Variants in PPM1F observed in about 807,000 individuals in gnomAD.
PPM1F encodes protein phosphatase, Mg2+/Mn2+ dependent 1F, also known as protein phosphatase 1F.
A neutral mutation model predicts 35.5 loss-of-function variants in PPM1F; 17 were observed. The ratio of observed to expected loss-of-function variants is 0.48; its 90% CI spans 0.33 to 0.72. PPM1F has a LOEUF of 0.72. Among genes scored for constraint, PPM1F ranks in the 30% least tolerant of loss-of-function variants. The pLI is 0.02. For synonymous variants in PPM1F, 241 were observed against 255.5 expected (o/e 0.94, Z 0.54); for missense variants, 521 against 613.0 (o/e 0.85, Z 1.59).
chr22:21,943,964 C>T (rs1308390371), intron 2 of PPM1F: 1 of 152,462 alleles, frequency 6.6e-6, no homozygotes, highest in Non-Finnish European at 1.5e-5. Flanking sequence ...CTTTTTGCCT[C>T]AAGGCAGCAA....
At chr22:21,933,855 A>C (rs1321064395) in intron 4 of PPM1F, among the ~76,000 whole-genome samples, 169 bp downstream of exon 4, 1 of 152,148 alleles carries the variant, frequency 6.6e-6, no homozygotes. Flanking sequence ...CTCCCTCATA[A>C]CAGACTCACA....
chr22:21,936,038 T>C (rs542367821), intron 3 of PPM1F: 1 of 152,090 alleles, frequency 6.6e-6, no homozygotes, highest in East Asian at 1.9e-4. Context: ...CTGTGTGTGG[T>C]GGTATATCTA....
intron 3 of PPM1F, chr22:21,937,109 T>C (rs977177994): frequency 2.0e-5 from 3 of 152,024 alleles, no homozygotes; most frequent in Admixed American, 6.6e-5. Flanking sequence ...GTGGCAAGCA[T>C]GGTGAATCAG....
At chr22:21,930,870 TCTGCACTGGG>T (rs943975490) in intron 6 of PPM1F, among the ~76,000 whole-genome samples, 26 of 152,294 alleles carry the variant, frequency 1.7e-4, no homozygotes, top group East Asian at 7.7e-4. Context: ...TGGGCTCTGG[TCTGCACTGGG>T]CTGCACTGAC....
chr22:21,935,242 C>A (rs1048902295), intron 3 of PPM1F: 2 of 152,218 alleles, frequency 1.3e-5, no homozygotes, highest in African/African-American at 4.8e-5. Context: ...TTAAACCAGT[C>A]CCCTAAAGTT....
rs545639329 is a variant in PPM1F, at chr22:21,928,847, C to T, written c.891+2301G>A. ...ATGCGGCTCCATTCCATTCATCTCT[C>T]TGCCTCATCCTGCCAGGTCCTTGCC... On this transcript the variant is annotated intron_variant, in intron 6 of 7. Transcript: ENST00000263212. Among the ~76,000 whole-genome samples, 62 of 111,078 alleles carry T rather than the reference C, an allele frequency of 5.6e-4. 1 individual carries two copies. In the South Asian group the frequency reaches 7.1e-3, roughly 13 times the overall value. 72.9% of individuals were successfully genotyped at this position (111,078 alleles called of 152,430 possible). A position where few individuals can be genotyped will look rare whatever the true frequency, so the allele number is the denominator to read the frequency against.
rs138349983 is a variant in PPM1F at position 21,929,669 on chromosome 22, T to C, written c.891+1479A>G. 1.4e-3 allele frequency among the ~76,000 whole-genome samples: 211 copies of C among 152,220 alleles called. 2 individuals carry two copies. Among genetic ancestry groups the C allele is most frequent in the African/African-American group, 4.9e-3 (203 of 41,542 alleles). ...AGCCCACTAGGGAGCAGGTGCCAAATTCCCCCACGGTGGTGGAGGCAGGGG... is the reference window on the plus strand; with the variant it reads ...AGCCCACTAGGGAGCAGGTGCCAAACTCCCCCACGGTGGTGGAGGCAGGGG... On this transcript the variant is annotated intron_variant, in intron 6 of 7. Transcript: ENST00000263212.
At chr22:21,945,643 T>G in intron 2 of PPM1F, 200 bp downstream of exon 2, 47 of 553,340 alleles carry the variant, frequency 8.5e-5, no homozygotes, top group East Asian at 3.6e-4. Flanking sequence ...TGTGAAAGAA[T>G]GAGCTTTGGC....
intron 2 of PPM1F, chr22:21,944,282 T>G (rs1191047880): frequency 6.6e-6 from 1 of 152,302 alleles, no homozygotes; most frequent in Non-Finnish European, 1.5e-5. Flanking sequence ...TGGGGGATGC[T>G]GGGTGGCATA....
chr22:21,944,774 G>A (rs1442671303), intron 2 of PPM1F: 3 of 152,248 alleles, frequency 2.0e-5, no homozygotes, highest in Admixed American at 2.0e-4. Context: ...ATGAATAAAT[G>A]AAGGGGAGGG....
At chr22:21,931,032 T>A in intron 6 of PPM1F, 116 bp downstream of exon 6, 1 of 1,495,058 alleles carries the variant, frequency 6.7e-7, no homozygotes, top group Non-Finnish European at 8.9e-7. Context: ...CCCTCCCTCT[T>A]GAAAGGTGCC....
intron 7 of PPM1F, chr22:21,925,199 C>CAGT (rs1229735377): frequency 2.6e-6 from 1 of 377,920 alleles, no homozygotes; most frequent in Non-Finnish European, 4.7e-6. Flanking sequence ...CCAGCGAACC[C>CAGT]ACTTTTTTCC....
In PPM1F at chr22:21,922,740, C is replaced by A. The variant is rs1018444927; in HGVS notation, c.*352G>T. ...CTCCTGGGTCCGCCCCAGGGTCCCACGTGCACAACCATGCTGCCCCATGCA... is the reference window on the plus strand; with the variant it reads ...CTCCTGGGTCCGCCCCAGGGTCCCAAGTGCACAACCATGCTGCCCCATGCA... On this transcript the variant is annotated 3_prime_UTR_variant, in exon 8 of 8. Coordinates refer to ENST00000263212, the MANE Select transcript of PPM1F (RefSeq NM_014634.4). The A allele has an allele frequency of 9.8e-6, 2 of 204,324 alleles. No homozygotes were observed. The highest frequency in any genetic ancestry group is 2.3e-5 in the African/African-American group (1 of 43,482). The allele number at this position is 204,324 out of a possible 1,614,324, so 12.7% of individuals were successfully genotyped here. A position where few individuals can be genotyped will look rare whatever the true frequency, so the allele number is the denominator to read the frequency against.
Position 21,933,431 on chromosome 22 carries a change from C to T in PPM1F, c.707G>A (p.Arg236Gln), listed in dbSNP as rs774522572. Residue 236 changes from arginine to glutamine, a missense_variant, in exon 5 of 8, where the codon CGG becomes CAG. Physicochemically the swap from Arg to Gln is conservative, Grantham distance 43 (BLOSUM62 1). Around this residue, in one of 3 missense-constraint regions of PPM1F, gnomAD observed 311 missense variants for 351.5 expected, o/e 0.88. Coordinates refer to ENST00000263212, the MANE Select transcript of PPM1F (RefSeq NM_014634.4). ...DPEGALREAF[R>Q]RTDQMFLRKA... is the part of the protein sequence containing the mutation. ...CCTGAGAAACATCTGGTCGGTGCGC[C>T]GGAAGGCTTCTCTGAGGGCTCCCTC... 29 of 1,612,598 alleles carry T rather than the reference C, an allele frequency of 1.8e-5. No individual in the cohort carries two copies. Among genetic ancestry groups the T allele is most frequent in the South Asian group, 5.5e-5 (5 of 91,080 alleles).
intron 3 of PPM1F, chr22:21,935,470 A>C (rs1159415107): frequency 6.6e-6 from 1 of 152,218 alleles, no homozygotes; most frequent in Non-Finnish European, 1.5e-5. Context: ...GTTTTGCAAA[A>C]TGTTACCATT....
chr22:21,934,284 C>T (rs147287876), intron 3 of PPM1F, 58 bp from the exon 4 acceptor site: 44 of 1,452,254 alleles, frequency 3.0e-5, no homozygotes, highest in African/African-American at 8.4e-5. Flanking sequence ...GCTGAGGCCT[C>T]GCTGGCTCCC....
chr22:21,923,825 G>T (rs1377904700), intron 7 of PPM1F, among the ~76,000 whole-genome samples: 1 of 151,254 alleles, frequency 6.6e-6, no homozygotes, highest in African/African-American at 2.4e-5. Context: ...TTACAGGCTC[G>T]CGCCACCATG....
intron 6 of PPM1F, among the ~76,000 whole-genome samples, chr22:21,927,890 C>T (rs2329884): frequency 0.39 from 59,010 of 151,234 alleles, 11,880 homozygotes; most frequent in Middle Eastern, 0.48. Flanking sequence ...GGGTCTTGTC[C>T]CATTCCCCCT....
rs764658484 is a variant in PPM1F at position 21,939,805 on chromosome 22, G to A, written c.207-125C>T. On this transcript the variant is annotated intron_variant, in intron 2 of 7. Coordinates refer to ENST00000263212, the MANE Select transcript of PPM1F (RefSeq NM_014634.4). The surrounding 1 kb of genome is among the most constrained non-coding windows in gnomAD (Gnocchi z 5.1). The stretch of plus-strand genomic sequence containing the variant: ...CAGCAGGGCGGCCCCTGTCCTCAGG[G>A]AGCTGGGACAGGAAGGTCACAGGAC... 8.0e-6 allele frequency: 9 copies of A among 1,119,956 alleles called. No individual in the cohort carries two copies. Among genetic ancestry groups the A allele is most frequent in the Non-Finnish European group, 1.1e-5 (9 of 793,534 alleles). The allele number at this position is 1,119,956 out of a possible 1,614,324, so 69.4% of individuals were successfully genotyped here. A position where few individuals can be genotyped will look rare whatever the true frequency, so the allele number is the denominator to read the frequency against.
Sources: allele counts gnomAD v4.1 joint callset (sites outside exome capture counted in the v4.1 genomes callset), GRCh38; gene constraint gnomAD v4.1.1; regional missense constraint gnomAD v4.1.1; non-coding constraint Gnocchi (gnomAD v3.1); transcripts MANE v1.5; gene names NCBI Gene and HGNC (gene_info 2026-07-23, HGNC 2026-07-21).